NALF1: variants seen among roughly 807,000 people sequenced by gnomAD.
The protein encoded by NALF1 is family with sequence similarity 155 member A.
Under a neutral mutation model 48.4 loss-of-function variants are expected in NALF1, and 3 were observed. The observed-to-expected ratio is 0.06, with a 90% CI of 0.03 to 0.16. NALF1 has a LOEUF of 0.16. Among genes scored for constraint, NALF1 ranks in the 10% least tolerant of loss-of-function variants. The probability of loss-of-function intolerance (pLI) is 1.00; values close to 1 mark genes in which losing one functional copy is unlikely to be tolerated. For synonymous variants in NALF1, 262 were observed against 245.7 expected (o/e 1.07, Z -0.62); for missense variants, 526 against 571.5 (o/e 0.92, Z 0.81).
At chr13:107,341,354 C>G (rs1211192387) in intron 1 of NALF1, among the ~76,000 whole-genome samples, 6 of 151,928 alleles carry the variant, frequency 3.9e-5, no homozygotes, top group Admixed American at 3.9e-4. Flanking sequence ...AACCGAAATA[C>G]CCTGTGTGTG....
chr13:107,635,542 T>C (rs1371914216), intron 1 of NALF1, among the ~76,000 whole-genome samples: 1 of 152,102 alleles, frequency 6.6e-6, no homozygotes, highest in Non-Finnish European at 1.5e-5. Flanking sequence ...CATTTACCCT[T>C]TAAGGCTAGC....
chr13:107,776,997 G>C (rs1052025687), intron 1 of NALF1, among the ~76,000 whole-genome samples: 4 of 152,014 alleles, frequency 2.6e-5, no homozygotes, highest in East Asian at 3.9e-4. Flanking sequence ...GAGACTGAGG[G>C]GGGGAAGATG....
chr13:107,525,293 T>G (rs1176533410), intron 1 of NALF1, among the ~76,000 whole-genome samples: 1 of 152,126 alleles, frequency 6.6e-6, no homozygotes, highest in Admixed American at 6.6e-5. Flanking sequence ...AATCCTGAAG[T>G]TGATGGTCAA....
intron 1 of NALF1, among the ~76,000 whole-genome samples, chr13:107,840,977 A>G (rs926609751): frequency 6.6e-6 from 1 of 152,056 alleles, no homozygotes; most frequent in African/African-American, 2.4e-5. Flanking sequence ...AGTGATCCCT[A>G]GCATCCTGGC....
At chr13:107,524,956 G>GA (rs1383516577) in intron 1 of NALF1, among the ~76,000 whole-genome samples, 75 of 147,080 alleles carry the variant, frequency 5.1e-4, no homozygotes, top group Non-Finnish European at 8.2e-4. Context: ...GAGAGAGAGA[G>GA]AAAAAAAAAT....
At chr13:107,302,944 C>T (rs7339414) in intron 1 of NALF1, among the ~76,000 whole-genome samples, 38,884 of 152,110 alleles carry the variant, frequency 0.26, 5,319 homozygotes, top group Non-Finnish European at 0.28. Context: ...GCTGTGTGCC[C>T]GATTTGGCTT....
intron 1 of NALF1, among the ~76,000 whole-genome samples, chr13:107,360,967 A>G (rs1363597120): frequency 6.6e-6 from 1 of 151,920 alleles, no homozygotes; most frequent in East Asian, 1.9e-4. Flanking sequence ...CTTATCAGTG[A>G]TGTTTAATAC....
At chr13:107,585,785 T>C (rs1045267026) in intron 1 of NALF1, among the ~76,000 whole-genome samples, 49 of 152,258 alleles carry the variant, frequency 3.2e-4, no homozygotes, top group African/African-American at 1.1e-3. Flanking sequence ...TTTTCGGCCA[T>C]TACCACATAC....
At chr13:107,349,901 C>A (rs9520398) in intron 1 of NALF1, among the ~76,000 whole-genome samples, 75,322 of 151,882 alleles carry the variant, frequency 0.5, 21,884 homozygotes, top group Non-Finnish European at 0.65. Context: ...CAGGAACCGA[C>A]TTCATGGAGG....
At chr13:107,676,591 AAATT>A (rs1881128974) in intron 1 of NALF1, among the ~76,000 whole-genome samples, 2 of 107,420 alleles carry the variant, frequency 1.9e-5, no homozygotes, top group Middle Eastern at 6.0e-3. Context: ...TTAAATCATT[AAATT>A]AATTTAATTT....
At chr13:107,473,484 C>T (rs1424581624) in intron 1 of NALF1, among the ~76,000 whole-genome samples, 11 of 152,146 alleles carry the variant, frequency 7.2e-5, no homozygotes, top group Admixed American at 7.2e-4. Flanking sequence ...CTCTAAGTCA[C>T]CCAAGATACA....
At chr13:107,627,664 A>G (rs1879714270) in intron 1 of NALF1, among the ~76,000 whole-genome samples, 1 of 152,136 alleles carries the variant, frequency 6.6e-6, no homozygotes, top group Admixed American at 6.6e-5. Flanking sequence ...TTAAAAGGTT[A>G]CATGCAACAA....
At chr13:107,617,364 G>A (rs774321957) in intron 1 of NALF1, among the ~76,000 whole-genome samples, 7 of 152,082 alleles carry the variant, frequency 4.6e-5, no homozygotes, top group Non-Finnish European at 5.9e-5. Context: ...AGAATCATTC[G>A]TAACAGTCAA....
intron 1 of NALF1, among the ~76,000 whole-genome samples, chr13:107,576,889 G>T (rs942342188): frequency 6.6e-6 from 1 of 152,112 alleles, no homozygotes. Flanking sequence ...AATCTTCTGC[G>T]AGCAAGCCTT....
At chr13:107,831,896 C>T (rs1196979173) in intron 1 of NALF1, among the ~76,000 whole-genome samples, 1 of 152,046 alleles carries the variant, frequency 6.6e-6, no homozygotes, top group Non-Finnish European at 1.5e-5. Context: ...ATTCAACATT[C>T]TTTTAGTTTG....
At chr13:107,267,434 A>T (rs1881064751) in intron 1 of NALF1, among the ~76,000 whole-genome samples, 1 of 152,152 alleles carries the variant, frequency 6.6e-6, no homozygotes. Context: ...AAAAAAAAAC[A>T]ACATAAAGAA....
At chr13:107,262,271 C>G (rs1182567262) in intron 1 of NALF1, among the ~76,000 whole-genome samples, 2 of 151,968 alleles carry the variant, frequency 1.3e-5, no homozygotes, top group Non-Finnish European at 2.9e-5. Context: ...AAAAATTAGC[C>G]AGGGGTGGTA....
chr13:107,262,914 G>T (rs1387116401), intron 1 of NALF1, among the ~76,000 whole-genome samples: 1 of 152,120 alleles, frequency 6.6e-6, no homozygotes, highest in Non-Finnish European at 1.5e-5. Context: ...ATGGTTCCCA[G>T]TGTGTGAGTA....
intron 1 of NALF1, among the ~76,000 whole-genome samples, chr13:107,262,933 A>T (rs2138855930): frequency 6.6e-6 from 1 of 152,288 alleles, no homozygotes; most frequent in Admixed American, 6.5e-5. Context: ...TATTTGGTTA[A>T]CAAAGAGAAT....
Sources: allele counts gnomAD v4.1 joint callset (sites outside exome capture counted in the v4.1 genomes callset), GRCh38; gene constraint gnomAD v4.1.1; transcripts MANE v1.5; gene names NCBI Gene and HGNC (gene_info 2026-07-23, HGNC 2026-07-21).